The following FAM81A variants were observed in gnomAD, a reference collection of about 807,000 sequenced individuals.
FAM81A encodes the protein family with sequence similarity 81 member A.
In FAM81A, 19 loss-of-function variants were observed where a neutral mutation model predicts 46.7. The ratio of observed to expected loss-of-function variants is 0.41; its 90% confidence interval spans 0.28 to 0.60. The LOEUF (loss-of-function observed/expected upper bound fraction) is 0.60, where lower values mean the gene tolerates loss of function less well. Ranked by LOEUF, FAM81A falls within the 20% of genes least tolerant of loss-of-function variation. The pLI is 0.34. For missense variants in FAM81A, 377 were observed against 453.5 expected (o/e 0.83, Z 1.53); for synonymous variants, 183 against 152.9 (o/e 1.20, Z -1.45).
At chr15:59,415,716 C>G (rs1463643500) in intron 2 of FAM81A, among the ~76,000 whole-genome samples, 1 of 152,192 alleles carries the variant, frequency 6.6e-6, no homozygotes, top group East Asian at 1.9e-4. Context: ...TAAGTTTGTG[C>G]TGCTTTAAGC....
At chr15:59,447,020 T>C (rs1340934066) in intron 1 of FAM81A, among the ~76,000 whole-genome samples, 1 of 152,238 alleles carries the variant, frequency 6.6e-6, no homozygotes, top group African/African-American at 2.4e-5. Flanking sequence ...TATTTAAATT[T>C]GTGTAATTGT....
intron 6 of FAM81A, among the ~76,000 whole-genome samples, chr15:59,510,368 CAAA>C (rs34095489): frequency 8.5e-5 from 9 of 106,460 alleles, no homozygotes; most frequent in Non-Finnish European, 1.5e-4. Flanking sequence ...GACTCTGTCT[CAAA>C]AAAAAAAAAA....
Position 59,492,328 on chromosome 15 carries a change from T to C in FAM81A, c.352T>C (p.Leu118=). 1.2e-6 allele frequency: 2 copies of C among 1,613,862 alleles called. No homozygotes were observed. Among genetic ancestry groups the C allele is most frequent in the East Asian group, 2.2e-5 (1 of 44,884 alleles). The change falls in exon 4 of 9, where the codon TTA becomes CTA. Residue 118 remains leucine (L), a synonymous_variant. Transcript: ENST00000288228. ...CATTAGCTATGGAACTAATTCTGCC[T>C]TAAAGACCCTGGAGATGCGCCAGCT... ...DNISYGTNSA[L]KTLEMRQLSG...
At chr15:59,498,112 AGT>A (rs1261451010) in intron 4 of FAM81A, among the ~76,000 whole-genome samples, 3 of 152,176 alleles carry the variant, frequency 2.0e-5, no homozygotes, top group Non-Finnish European at 2.9e-5. Flanking sequence ...GGCCTCCCAA[AGT>A]GTTGGGATTA....
chr15:59,411,695 C>T (rs1473548268), intron 2 of FAM81A, among the ~76,000 whole-genome samples: 1 of 152,166 alleles, frequency 6.6e-6, no homozygotes, highest in African/African-American at 2.4e-5. Context: ...ATGAAAGGAT[C>T]GCTTGAGGCC....
chr15:59,462,230 A>G (rs1026847738), intron 3 of FAM81A, among the ~76,000 whole-genome samples: 11 of 152,032 alleles, frequency 7.2e-5, no homozygotes, highest in African/African-American at 2.7e-4. Context: ...ACATAGCCAA[A>G]TAATTTTCCA....
At chr15:59,449,522 C>G (rs1164783705) in intron 1 of FAM81A, among the ~76,000 whole-genome samples, 1 of 152,198 alleles carries the variant, frequency 6.6e-6, no homozygotes, top group African/African-American at 2.4e-5. Context: ...TGGCTCACGC[C>G]TGTAATCCCA....
intron 3 of FAM81A, among the ~76,000 whole-genome samples, chr15:59,464,638 A>G (rs570702069): frequency 6.6e-4 from 100 of 152,178 alleles, no homozygotes; most frequent in African/African-American, 2.3e-3. Context: ...ATTTGTTCAA[A>G]TCATTTACCC....
At chr15:59,486,292 C>G (rs898315472) in intron 3 of FAM81A, among the ~76,000 whole-genome samples, 2 of 151,832 alleles carry the variant, frequency 1.3e-5, no homozygotes, top group East Asian at 3.9e-4. Context: ...CAGAATTGAT[C>G]AAACAGAAGA....
chr15:59,499,810 A>AT (rs534101746), intron 4 of FAM81A, among the ~76,000 whole-genome samples: 5 of 148,618 alleles, frequency 3.4e-5, no homozygotes, highest in East Asian at 3.9e-4. Context: ...TATGTGAGGA[A>AT]TTTTTTTTTC....
chr15:59,405,252 G>A (rs757102096), intron 2 of FAM81A, among the ~76,000 whole-genome samples: 2 of 152,098 alleles, frequency 1.3e-5, no homozygotes, highest in Admixed American at 1.3e-4. Context: ...CAGGAATTTG[G>A]TAATGTATGT....
At chr15:59,466,802 A>G (rs148657134) in intron 3 of FAM81A, among the ~76,000 whole-genome samples, 16 of 152,284 alleles carry the variant, frequency 1.1e-4, no homozygotes, top group Non-Finnish European at 1.2e-4. Context: ...CCTGAATGGT[A>G]CTGCCTAGGT....
chr15:59,513,671 TA>T (rs1296439588), intron 6 of FAM81A, among the ~76,000 whole-genome samples: 13 of 152,040 alleles, frequency 8.6e-5, no homozygotes, highest in African/African-American at 1.7e-4. Flanking sequence ...ATGATGTCAT[TA>T]AAAAAAATTG....
At chr15:59,513,637 A>T (rs557602416) in intron 6 of FAM81A, among the ~76,000 whole-genome samples, 34 of 152,338 alleles carry the variant, frequency 2.2e-4, no homozygotes, top group African/African-American at 7.9e-4. Flanking sequence ...TACCAGAAAT[A>T]TGATAGTTGG....
At chr15:59,415,451 G>T (rs1239714497) in intron 2 of FAM81A, among the ~76,000 whole-genome samples, 1 of 152,188 alleles carries the variant, frequency 6.6e-6, no homozygotes, top group Non-Finnish European at 1.5e-5. Flanking sequence ...AGCTGATCTT[G>T]AGATGGGGCC....
intron 4 of FAM81A, among the ~76,000 whole-genome samples, chr15:59,501,392 C>T (rs2082089016): frequency 6.6e-6 from 1 of 152,022 alleles, no homozygotes; most frequent in South Asian, 2.1e-4. Flanking sequence ...TTTGACAATG[C>T]CCTGGGACAT....
intron 1 of FAM81A, 22 bp downstream of exon 1, chr15:59,438,304 C>G (rs373717618): frequency 6.6e-6 from 1 of 151,628 alleles, no homozygotes; most frequent in Non-Finnish European, 1.5e-5. Context: ...GCTCTGGGAA[C>G]CCCGGCCGGG....
At chr15:59,468,991 T>C (rs2081650957) in intron 3 of FAM81A, among the ~76,000 whole-genome samples, 1 of 152,234 alleles carries the variant, frequency 6.6e-6, no homozygotes, top group Admixed American at 6.5e-5. Flanking sequence ...CAGGAGCAAG[T>C]TGTTCAGTTT....
At chr15:59,427,580 C>G (rs974871628) in intron 2 of FAM81A, among the ~76,000 whole-genome samples, 1 of 152,146 alleles carries the variant, frequency 6.6e-6, no homozygotes, top group African/African-American at 2.4e-5. Flanking sequence ...CATCTGGTAA[C>G]TGCCATTCTA....
Sources: allele counts gnomAD v4.1 joint callset (sites outside exome capture counted in the v4.1 genomes callset), GRCh38; gene constraint gnomAD v4.1.1; transcripts MANE v1.5; gene names NCBI Gene and HGNC (gene_info 2026-07-23, HGNC 2026-07-21).